ZNF200: variants seen among roughly 807,000 people sequenced by gnomAD.
ZNF200 encodes the protein zinc finger protein 200.
ZNF200 carries 35 observed loss-of-function variants against 33.6 expected under a neutral mutation model. The ratio of observed to expected loss-of-function variants is 1.04; its 90% CI spans 0.80 to 1.38. The LOEUF (loss-of-function observed/expected upper bound fraction) is 1.38. Among genes scored for constraint, ZNF200 ranks in the 40% most tolerant of loss-of-function variants. ZNF200 has a pLI of 0.00. For missense variants in ZNF200, 592 were observed against 470.6 expected (o/e 1.26, Z -2.39); for synonymous variants, 209 against 167.7 (o/e 1.25, Z -1.90).
rs931494432 is a variant in ZNF200 at position 3,223,788 on chromosome 16, T to C, written c.*104A>G. The C allele has an allele frequency of 6.8e-7, 1 of 1,460,322 alleles. No individual in the cohort carries two copies. Among genetic ancestry groups the C allele is most frequent in the Non-Finnish European group, 9.0e-7 (1 of 1,106,282 alleles). 90.5% of individuals were successfully genotyped at this position (1,460,322 alleles called of 1,614,324 possible). ...TTATCCAATTTTGGCAATAATGAGA[T>C]TTTTACACATTTATACCTTTTTAGG... On this transcript the variant is annotated 3_prime_UTR_variant, in exon 5 of 5. Coordinates refer to ENST00000414144, the MANE Select transcript of ZNF200 (RefSeq NM_198088.3).
chr16:3,232,464 T>C lies in ZNF200; in HGVS notation c.423A>G (p.Ser141=), dbSNP rs188508014. ...CGACACTGCTGTCATCTTCCTTCTC[T>C]GACGTGAGTTGTTGAGTAGGATCCA... The part of the protein sequence containing the change: ...VSLDPTQQLT[S]EKEDDSSVGE... The change falls in exon 4 of 5, where the codon TCA becomes TCG. Residue 141 remains serine (S), a synonymous_variant. Transcript: ENST00000414144. 393 of 1,614,132 alleles carry C rather than the reference T, an allele frequency of 2.4e-4. No homozygotes were observed. Among genetic ancestry groups the C allele is most frequent in the Non-Finnish European group, 3.2e-4 (377 of 1,179,990 alleles).
Position 3,230,601 on chromosome 16 carries a change from T to C in ZNF200, c.466+1820A>G, listed in dbSNP as rs776369545. 4.1e-4 allele frequency among the ~76,000 whole-genome samples: 62 copies of C among 152,320 alleles called. 1 individual carries two copies. Among genetic ancestry groups the C allele is most frequent in the Middle Eastern group, 6.8e-3 (2 of 294 alleles). On this transcript the variant is annotated intron_variant, in intron 4 of 4. Coordinates refer to ENST00000414144, the MANE Select transcript of ZNF200 (RefSeq NM_198088.3). ...TGGTTCACTTGGCCAACACACACAT[T>C]CTCTGTTTCCCTAGGTTATCAAGGA...
intron 4 of ZNF200, 127 bp from the exon 5 acceptor site, chr16:3,224,740 CG>C: frequency 8.2e-7 from 1 of 1,220,322 alleles, no homozygotes; most frequent in Non-Finnish European, 1.1e-6. Flanking sequence ...ATACTGCCGT[CG>C]CACTCCTTTT....
At position 3,224,032 on chromosome 16, in the gene ZNF200, C is replaced by G. The variant is rs773833164; in HGVS notation, c.1048G>C (p.Glu350Gln). ...ECGKTFPKNE[E>Q]FVLHLQSHEA... ...TGACTCTGCAGATGAAGCACAAACT[C>G]CTCATTCTTTGGGAAGGTTTTCCCA... The change falls in exon 5 of 5, where the codon GAG (glutamate) becomes CAG (glutamine). Residue 350 changes from glutamate to glutamine, a missense_variant. Physicochemically the swap from Glu to Gln is conservative, Grantham distance 29. Transcript: ENST00000414144. 1 of 1,614,190 alleles carries G rather than the reference C, an allele frequency of 6.2e-7. No homozygotes were observed. The highest frequency in any genetic ancestry group is 2.2e-5 in the East Asian group (1 of 44,876).
In ZNF200 at chr16:3,232,878, T is replaced by C. The variant is rs758380729; in HGVS notation, c.294A>G (p.Gln98=). The C allele has an allele frequency of 4.3e-6, 7 of 1,613,862 alleles. No individual in the cohort carries two copies. Among genetic ancestry groups the C allele is most frequent in the East Asian group, 2.2e-5 (1 of 44,890 alleles). Residue 98 remains glutamine (Q), a synonymous_variant, in exon 3 of 5, where the codon CAA becomes CAG. Transcript: ENST00000414144. The part of the protein sequence containing the change: ...PLVKLLPKGV[Q]KEQETVSLYL... ...ACAGAGACACTGTCTCTTGTTCCTT[T>C]TGGACTCCTTTGGGCAGAAGCTTCA...
At chr16:3,224,959 T>G (rs1370194415) in intron 4 of ZNF200, 2 of 209,606 alleles carry the variant, frequency 9.5e-6, no homozygotes, top group Non-Finnish European at 1.9e-5. Context: ...AGACTATACA[T>G]CTATACAGGG....
chr16:3,233,691 G>C lies in ZNF200; in HGVS notation c.65C>G (p.Pro22Arg), dbSNP rs61731430. The C allele has an allele frequency of 6.2e-7, 1 of 1,613,590 alleles. No individual in the cohort carries two copies. The highest frequency in any genetic ancestry group is 8.5e-7 in the Non-Finnish European group (1 of 1,179,954). The stretch of plus-strand genomic sequence containing the variant: ...GTCTTGGCCCAGCTTGGAGTCTGGC[G>C]GAACTCTCAGTATAAAGGACTGCTT... ...KPKQSFILRV[P>R]PDSKLGQDLL... The change falls in exon 2 of 5, where the codon CCG becomes CGG. Residue 22 changes from proline (P) to arginine (R), a missense_variant. By Grantham distance (103) the Pro-to-Arg change is moderately radical. Coordinates refer to ENST00000414144, the MANE Select transcript of ZNF200 (RefSeq NM_198088.3).
In ZNF200 at chr16:3,224,433, C is replaced by G; in HGVS notation, c.647G>C (p.Arg216Thr). The G allele has an allele frequency of 6.2e-7, 1 of 1,614,162 alleles. No individual in the cohort carries two copies. The highest frequency in any genetic ancestry group is 8.5e-7 in the Non-Finnish European group (1 of 1,180,034). Residue 216 changes from arginine (R) to threonine (T), a missense_variant, in exon 5 of 5, where the codon AGA becomes ACA. By Grantham distance (71) the Arg-to-Thr change is moderately conservative (BLOSUM62 -1). Coordinates refer to ENST00000414144, the MANE Select transcript of ZNF200 (RefSeq NM_198088.3). ...NTSIPQKRKM[R>T]NLLVTIENDT... ...ATTCTCAATGGTAACTAACAGATTT[C>G]TCATTTTCCTTTTTTGTGGAATGGA...
At chr16:3,232,755 A>G in intron 3 of ZNF200, 78 bp downstream of exon 3, 14 of 1,514,496 alleles carry the variant, frequency 9.2e-6, no homozygotes, top group Non-Finnish European at 1.3e-5. Context: ...CCAACTCCTA[A>G]GAATGTGTTT....
chr16:3,233,633 G>A lies in ZNF200; in HGVS notation c.123C>T (p.Thr41=). ...AGTGCTCCAGCACTAGCTGGTGGAT[G>A]GTCTTGGGCCCGTTAGTGGCATCTC... ...LLRDATNGPK[T]IHQLVLEHFL... is the part of the protein sequence containing the mutation. The change falls in exon 2 of 5, where the codon ACC becomes ACT. Residue 41 remains threonine, a synonymous_variant. Transcript: ENST00000414144. 6.2e-7 allele frequency: 1 copy of A among 1,613,932 alleles called. No individual in the cohort carries two copies. The highest frequency in any genetic ancestry group is 1.1e-5 in the South Asian group (1 of 91,074).
intron 3 of ZNF200, 46 bp from the exon 4 acceptor site, chr16:3,232,593 T>C (rs755879996): frequency 3.7e-6 from 6 of 1,606,374 alleles, no homozygotes; most frequent in Non-Finnish European, 5.1e-6. Context: ...TGAGGTTCAC[T>C]GACAGCCCTA....
At chr16:3,231,918 G>A (rs1408211177) in intron 4 of ZNF200, among the ~76,000 whole-genome samples, 2 of 152,206 alleles carry the variant, frequency 1.3e-5, no homozygotes, top group African/African-American at 2.4e-5. Flanking sequence ...AAGTACATGA[G>A]AGAATAAACA....
At chr16:3,224,922 G>A (rs185131472) in intron 4 of ZNF200, 34 of 293,558 alleles carry the variant, frequency 1.2e-4, no homozygotes, top group Middle Eastern at 1.2e-3. Context: ...ATACTCTGTA[G>A]AGCACTCAGG....
At chr16:3,229,549 A>G (rs1958578840) in intron 4 of ZNF200, among the ~76,000 whole-genome samples, 2 of 152,326 alleles carry the variant, frequency 1.3e-5, no homozygotes, top group South Asian at 4.1e-4. Context: ...AGTTCCACAG[A>G]AAATTCTTCT....
chr16:3,224,449 GTGGAA>G lies in ZNF200; in HGVS notation c.626_630del (p.Ile209ThrfsTer13). ...AACAGATTTCTCATTTTCCTTTTTT[GTGGAA>G]TGGATGTATTTAGTCGTTCCTTTTC... On this transcript the variant is annotated frameshift_variant, in exon 5 of 5. Transcript: ENST00000414144. LOFTEE classifies it high-confidence loss of function. The G allele has an allele frequency of 6.2e-7, 1 of 1,614,072 alleles. No individual in the cohort carries two copies.
At chr16:3,231,835 T>C (rs916061654) in intron 4 of ZNF200, among the ~76,000 whole-genome samples, 11 of 152,228 alleles carry the variant, frequency 7.2e-5, no homozygotes, top group Admixed American at 2.0e-4. Flanking sequence ...GCAAATTTTG[T>C]AACCCCTCTC....
Position 3,223,219 on chromosome 16 carries a change from T to G in ZNF200, c.*673A>C, listed in dbSNP as rs527497249. 1 of 152,356 alleles carries G rather than the reference T, an allele frequency of 6.6e-6. No homozygotes were observed. Among genetic ancestry groups the G allele is most frequent in the East Asian group, 1.9e-4 (1 of 5,188 alleles). 9.4% of individuals were successfully genotyped at this position (152,356 alleles called of 1,614,324 possible). On this transcript the variant is annotated 3_prime_UTR_variant, in exon 5 of 5. Transcript: ENST00000414144. ...GCAGAACAAAATACAATAAGAACAG[T>G]AGACACCTAAATTATGTTGTGAAAA...
chr16:3,232,693 G>C (rs1042310707), intron 3 of ZNF200, 140 bp downstream of exon 3: 3 of 1,423,590 alleles, frequency 2.1e-6, no homozygotes, highest in Non-Finnish European at 2.9e-6. Context: ...AGACAGGACA[G>C]CCAGGCTGAG....
In ZNF200 at chr16:3,222,396, T is replaced by C. The variant is rs1015339926; in HGVS notation, c.*1496A>G. On this transcript the variant is annotated 3_prime_UTR_variant, in exon 5 of 5. Transcript: ENST00000414144. ...AGTTAACAGAACTAAACCAACAAAC[T>C]ATTGAAAATTAACAACAGTGAGATG... 6.6e-6 allele frequency: 1 copy of C among 152,146 alleles called. No individual in the cohort carries two copies. The highest frequency in any genetic ancestry group is 1.5e-5 in the Non-Finnish European group (1 of 68,028). The allele number at this position is 152,146 out of a possible 1,614,324, so 9.4% of individuals were successfully genotyped here.
Sources: allele counts gnomAD v4.1 joint callset (sites outside exome capture counted in the v4.1 genomes callset), GRCh38; gene constraint gnomAD v4.1.1; transcripts MANE v1.5; gene names NCBI Gene and HGNC (gene_info 2026-07-23, HGNC 2026-07-21).